RPS6KC1: variants seen among roughly 807,000 people sequenced by gnomAD.
RPS6KC1 encodes the protein inactive ribosomal protein S6 kinase delta-1.
In RPS6KC1, 54 loss-of-function variants were observed where a neutral mutation model predicts 103.8. The ratio of observed to expected loss-of-function variants is 0.52; its 90% confidence interval spans 0.42 to 0.65. The LOEUF is 0.65. RPS6KC1 is among the 30% of genes least tolerant of loss of function. The probability of loss-of-function intolerance (pLI) is 0.00; values close to 1 mark genes in which losing one functional copy is unlikely to be tolerated. For missense variants in RPS6KC1, 1,151 were observed against 1,253.8 expected, an observed-to-expected ratio of 0.92 and a Z score of 1.24; for synonymous variants, 439 against 438.7, an observed-to-expected ratio of 1.00 and a Z score of -0.01.
intron 6 of RPS6KC1, among the ~76,000 whole-genome samples, chr1:213,165,472 G>A (rs1394276361): frequency 1.3e-5 from 2 of 151,964 alleles, no homozygotes; most frequent in Non-Finnish European, 2.9e-5. Context: ...CGCCCAGGCT[G>A]GAGTGCAGTG....
chr1:213,105,073 T>C (rs1010137074), intron 4 of RPS6KC1, among the ~76,000 whole-genome samples: 1 of 152,152 alleles, frequency 6.6e-6, no homozygotes, highest in East Asian at 1.9e-4. Flanking sequence ...ATATTAAATT[T>C]GTTATTATGT....
At chr1:213,164,785 TG>T (rs568292982) in intron 6 of RPS6KC1, among the ~76,000 whole-genome samples, 164 of 152,270 alleles carry the variant, frequency 1.1e-3, no homozygotes, top group African/African-American at 3.8e-3. Context: ...CCCAGGCTTG[TG>T]TTGAACTCCT....
chr1:213,813,300 T>A, the RPS6KC1 span, among the ~76,000 whole-genome samples: 1 of 151,716 alleles, frequency 6.6e-6, no homozygotes, highest in African/African-American at 2.4e-5. Flanking sequence ...GCTGAAGATG[T>A]CTTAAAGTGC....
the RPS6KC1 span, among the ~76,000 whole-genome samples, chr1:213,405,007 C>T: frequency 4.4e-3 from 668 of 152,288 alleles, 4 homozygotes; most frequent in African/African-American, 0.015. Context: ...TTCAATTCTG[C>T]GGCGTAACCC....
At chr1:213,684,566 A>G in the RPS6KC1 span, among the ~76,000 whole-genome samples, 1 of 152,142 alleles carries the variant, frequency 6.6e-6, no homozygotes, top group Admixed American at 6.5e-5. Flanking sequence ...TTTTCCCTTG[A>G]GGAACTGTCC....
At chr1:213,198,139 G>A in intron 8 of RPS6KC1, among the ~76,000 whole-genome samples, 1 of 152,068 alleles carries the variant, frequency 6.6e-6, no homozygotes. Context: ...TTGTAGTGCT[G>A]GCTTGGTAGT....
chr1:213,395,142 T>C, the RPS6KC1 span, among the ~76,000 whole-genome samples: 3 of 152,214 alleles, frequency 2.0e-5, no homozygotes, highest in Admixed American at 2.0e-4. Context: ...GGGTCTGTAG[T>C]CCAGGGAGGA....
chr1:213,149,567 A>G (rs557224312), intron 6 of RPS6KC1, among the ~76,000 whole-genome samples: 2 of 152,296 alleles, frequency 1.3e-5, no homozygotes, highest in East Asian at 3.9e-4. Context: ...GACCTGACAT[A>G]TGGTCTGTCC....
chr1:213,497,838 A>G, the RPS6KC1 span, among the ~76,000 whole-genome samples: 1 of 152,092 alleles, frequency 6.6e-6, no homozygotes, highest in Non-Finnish European at 1.5e-5. Flanking sequence ...AGGAAAAGGC[A>G]CATTAATGTA....
At position 213,149,851 on chromosome 1, in the gene RPS6KC1, A is replaced by G. The variant is rs539850054; in HGVS notation, c.836-18007A>G. On this transcript the variant is annotated intron_variant, in intron 6 of 14. Transcript: ENST00000366960. ...CAGGGTTAGGTGCAAATATATTTAA[A>G]ATTGTTATATCCTCTCACTGAATTG... 2.6e-5 allele frequency among the ~76,000 whole-genome samples: 4 copies of G among 152,338 alleles called. No individual in the cohort carries two copies. The South Asian group carries it at 8.3e-4, about 32-fold the overall frequency.
intron 6 of RPS6KC1, among the ~76,000 whole-genome samples, chr1:213,163,597 A>G (rs6540782): frequency 0.73 from 111,063 of 152,032 alleles, 41,400 homozygotes; most frequent in African/African-American, 0.88. Context: ...AGTGACTAAG[A>G]GTAGAATTGA....
the RPS6KC1 span, among the ~76,000 whole-genome samples, chr1:213,590,309 G>A: frequency 4.7e-3 from 710 of 152,292 alleles, 2 homozygotes; most frequent in Middle Eastern, 0.02. Flanking sequence ...GGGAGGAAGA[G>A]AAGGAGGTCC....
At chr1:213,215,441 T>G (rs554562331) in intron 8 of RPS6KC1, among the ~76,000 whole-genome samples, 5 of 152,316 alleles carry the variant, frequency 3.3e-5, no homozygotes, top group Admixed American at 2.6e-4. Flanking sequence ...GGAACCAAGT[T>G]GGAAAACACT....
the RPS6KC1 span, among the ~76,000 whole-genome samples, chr1:213,696,009 C>T: frequency 6.6e-6 from 1 of 152,154 alleles, no homozygotes; most frequent in East Asian, 1.9e-4. Flanking sequence ...CTCATGTCAT[C>T]ATGAACCTTT....
intron 8 of RPS6KC1, among the ~76,000 whole-genome samples, chr1:213,213,252 G>A (rs1325024550): frequency 6.6e-6 from 1 of 152,198 alleles, no homozygotes; most frequent in Non-Finnish European, 1.5e-5. Context: ...TGTTAAGGGT[G>A]TAAGGTCTGT....
chr1:213,198,026 T>C (rs1487276123), intron 8 of RPS6KC1, among the ~76,000 whole-genome samples: 2 of 152,142 alleles, frequency 1.3e-5, no homozygotes, highest in Non-Finnish European at 2.9e-5. Flanking sequence ...TTTTTTTTCA[T>C]TGTGTTACGG....
At chr1:213,129,470 A>G in intron 5 of RPS6KC1, 57 bp from the exon 6 acceptor site, 1 of 1,487,340 alleles carries the variant, frequency 6.7e-7, no homozygotes, top group Non-Finnish European at 9.0e-7. Flanking sequence ...CATGATTTGT[A>G]TTCGTTTGGC....
intron 6 of RPS6KC1, among the ~76,000 whole-genome samples, chr1:213,133,292 A>G (rs1242582889): frequency 1.3e-5 from 2 of 152,146 alleles, no homozygotes; most frequent in Admixed American, 6.5e-5. Flanking sequence ...TGATTAATCT[A>G]TGTGTGGGCT....
chr1:213,241,739 C>A lies in RPS6KC1; in HGVS notation c.2263C>A (p.Pro755Thr). Residue 755 changes from proline to threonine, a missense_variant, in exon 11 of 15, where the codon CCC (proline) becomes ACC (threonine). Around this residue, in one of 3 missense-constraint regions of RPS6KC1, gnomAD observed 959 missense variants for 1,006.3 expected, o/e 0.95. Coordinates refer to ENST00000366960, the MANE Select transcript of RPS6KC1 (RefSeq NM_012424.6). ...GAAAGGCATAGAGGAACTGAGTGAT[C>A]CCTCTGGGCCCAAATCCTATAGTAT... is the stretch of plus-strand genomic sequence containing the variant. ...EEKGIEELSDPSGPKSYSITE... is the reference protein window; with the variant it reads ...EEKGIEELSDTSGPKSYSITE... 1 of 1,613,870 alleles carries A rather than the reference C, an allele frequency of 6.2e-7. No individual in the cohort carries two copies. The highest frequency in any genetic ancestry group is 8.5e-7 in the Non-Finnish European group (1 of 1,179,888).
Sources: gnomAD v4.1 joint callset for allele counts (sites outside exome capture counted in the v4.1 genomes callset) on GRCh38, gnomAD v4.1.1 for gene constraint, gnomAD v4.1.1 regional missense constraint, MANE v1.5 for transcripts, NCBI Gene and HGNC (gene_info 2026-07-23, HGNC 2026-07-21) for gene names.